MYRIP: variants seen among roughly 807,000 people sequenced by gnomAD.
The protein encoded by MYRIP is myosin VIIA and Rab interacting protein.
In MYRIP, 49 loss-of-function variants were observed where a neutral mutation model predicts 98.0. The ratio of observed to expected loss-of-function variants is 0.50; its 90% confidence interval spans 0.40 to 0.63. The LOEUF is 0.63. Ranked by LOEUF, MYRIP falls within the 30% of genes least tolerant of loss-of-function variation. MYRIP has a pLI of 0.00. For synonymous variants in MYRIP, 404 were observed against 409.5 expected, an observed-to-expected ratio of 0.99 and a Z score of 0.16; for missense variants, 1,004 against 1,058.2, an observed-to-expected ratio of 0.95 and a Z score of 0.71.
intron 1 of MYRIP, among the ~76,000 whole-genome samples, chr3:39,894,674 A>G (rs1575354358): frequency 6.6e-6 from 1 of 152,232 alleles, no homozygotes; most frequent in South Asian, 2.1e-4. Context: ...TTTTATTGAC[A>G]TAAAATATTG....
intron 3 of MYRIP, among the ~76,000 whole-genome samples, chr3:40,089,797 A>G (rs1327069431): frequency 6.6e-6 from 1 of 152,118 alleles, no homozygotes; most frequent in Admixed American, 6.6e-5. Flanking sequence ...GCAGAATTGC[A>G]TTTGCTTCCT....
At chr3:40,137,195 A>G (rs897680936) in intron 3 of MYRIP, among the ~76,000 whole-genome samples, 4 of 152,254 alleles carry the variant, frequency 2.6e-5, no homozygotes, top group Admixed American at 6.5e-5. Flanking sequence ...AAAATGACAA[A>G]GGGGATATCA....
intron 2 of MYRIP, among the ~76,000 whole-genome samples, chr3:39,958,170 A>G (rs192679907): frequency 2.6e-5 from 4 of 152,278 alleles, no homozygotes; most frequent in Admixed American, 2.6e-4. Flanking sequence ...ACAGAATTGG[A>G]AAAATTACTT....
intron 2 of MYRIP, among the ~76,000 whole-genome samples, chr3:40,019,486 T>G (rs1482998751): frequency 6.6e-6 from 1 of 152,176 alleles, no homozygotes; most frequent in Non-Finnish European, 1.5e-5. Flanking sequence ...ATTGCCCACC[T>G]CTGCTGCCTC....
chr3:40,071,266 T>A (rs1948220103), intron 3 of MYRIP: 1 of 880,008 alleles, frequency 1.1e-6, no homozygotes, highest in Non-Finnish European at 1.4e-6. Flanking sequence ...ATGTGAGCCA[T>A]CAGAGAGATG....
chr3:39,958,797 A>T (rs1945243397), intron 2 of MYRIP, among the ~76,000 whole-genome samples: 2 of 152,240 alleles, frequency 1.3e-5, no homozygotes, highest in South Asian at 4.1e-4. Flanking sequence ...AAGGGCTAAT[A>T]TCCAGAATCT....
Position 40,031,578 on chromosome 3 carries a change from A to G in MYRIP, c.111-12472A>G, listed in dbSNP as rs149294725. 6.1e-3 allele frequency among the ~76,000 whole-genome samples: 929 copies of G among 152,250 alleles called. 6 individuals are homozygous for G. Among genetic ancestry groups the G allele is most frequent in the African/African-American group, 0.021 (887 of 41,570 alleles). On this transcript the variant is annotated intron_variant, in intron 2 of 16. Transcript: ENST00000302541. ...CTGTACTCTTAGTGAAAGAGAACCC[A>G]GAAAAATTTTGCCTACTGGCTTAGC... is the stretch of plus-strand genomic sequence containing the variant.
At chr3:40,226,158 G>A (rs1193418320) in intron 11 of MYRIP, among the ~76,000 whole-genome samples, 1 of 152,140 alleles carries the variant, frequency 6.6e-6, no homozygotes, top group Non-Finnish European at 1.5e-5. Context: ...AAATGACTCA[G>A]GTGCTATTCC....
chr3:40,036,324 A>AAAAAAAAAAAAAAAAAAAAAAAAAAAAAC (rs1553607293), intron 2 of MYRIP, among the ~76,000 whole-genome samples: 1 of 125,626 alleles, frequency 8.0e-6, no homozygotes, highest in Non-Finnish European at 1.7e-5. Flanking sequence ...AAAAAAAAAA[A>AAAAAAAAAAAAAAAAAAAAAAAAAAAAAC]CTTTATTCAA....
chr3:40,102,638 T>G (rs1177849891), intron 3 of MYRIP, among the ~76,000 whole-genome samples: 2 of 152,138 alleles, frequency 1.3e-5, no homozygotes, highest in East Asian at 3.9e-4. Context: ...CCTGGGAAAC[T>G]GTGGCAACAA....
intron 1 of MYRIP, among the ~76,000 whole-genome samples, chr3:39,897,458 A>G (rs1943639136): frequency 6.6e-6 from 1 of 152,240 alleles, no homozygotes; most frequent in Non-Finnish European, 1.5e-5. Context: ...TAGTAAATTT[A>G]AAAACATATC....
intron 1 of MYRIP, among the ~76,000 whole-genome samples, chr3:39,896,745 G>A (rs1943619291): frequency 6.6e-6 from 1 of 152,162 alleles, no homozygotes; most frequent in Admixed American, 6.5e-5. Context: ...TCCCATTTAA[G>A]CATTTGTCCT....
In MYRIP at chr3:40,081,308, T is replaced by TCAAAAGG. The variant is rs1948474508; in HGVS notation, c.332+37037_332+37038insCAAAAGG. Among the ~76,000 whole-genome samples the TCAAAAGG allele has an allele frequency of 2.0e-5, 3 of 152,204 alleles. No individual in the cohort carries two copies. In the South Asian group the frequency reaches 6.2e-4, roughly 32 times the overall value. ...TTCTTCCTCAATTTTTGACTGCTTGTTATATCAATTACTGAAAAAGGCATT... is the reference window on the plus strand; with the variant it reads ...TTCTTCCTCAATTTTTGACTGCTTGTCAAAAGGTATATCAATTACTGAAAAAGGCATT... On this transcript the variant is annotated intron_variant, in intron 3 of 16. Coordinates refer to ENST00000302541, the MANE Select transcript of MYRIP (RefSeq NM_015460.4).
chr3:40,175,626 G>T (rs893514327), intron 8 of MYRIP, among the ~76,000 whole-genome samples: 7 of 152,242 alleles, frequency 4.6e-5, no homozygotes, highest in Non-Finnish European at 8.8e-5. Context: ...GGGCCAGCCT[G>T]GTGCCCCCCA....
chr3:39,910,323 G>A (rs1177748974), intron 2 of MYRIP, among the ~76,000 whole-genome samples: 2 of 152,196 alleles, frequency 1.3e-5, no homozygotes, highest in African/African-American at 2.4e-5. Context: ...CAGTACCAAG[G>A]CAGTACACTG....
intron 1 of MYRIP, among the ~76,000 whole-genome samples, chr3:39,858,729 A>G (rs1942377246): frequency 6.6e-6 from 1 of 152,148 alleles, no homozygotes; most frequent in South Asian, 2.1e-4. Flanking sequence ...AAAATTAATA[A>G]CAGGAGGAAA....
intron 3 of MYRIP, among the ~76,000 whole-genome samples, chr3:40,122,594 A>G (rs1377025323): frequency 6.6e-6 from 1 of 151,882 alleles, no homozygotes; most frequent in Non-Finnish European, 1.5e-5. Context: ...ATGAGTTCAT[A>G]TTAAATTCAC....
In MYRIP at chr3:40,258,134, G is replaced by A. The variant is rs1953657703; in HGVS notation, c.2548G>A (p.Glu850Lys). The change falls in exon 17 of 17, where the codon GAG (glutamate) becomes AAG (lysine). Residue 850 changes from glutamate (E) to lysine (K), a missense_variant and splice_region_variant. Coordinates refer to ENST00000302541, the MANE Select transcript of MYRIP (RefSeq NM_015460.4). The part of the protein sequence containing the change: ...ERKGTTKDLM[E>K]PALESAVMY ...GAGTGTGTTCAATGTCTCACCTCAG[G>A]AGCCTGCTCTGGAGTCAGCTGTGAT... 23 of 1,614,028 alleles carry A rather than the reference G, an allele frequency of 1.4e-5. 1 individual carries two copies. Among genetic ancestry groups the A allele is most frequent in the Non-Finnish European group, 1.9e-5 (22 of 1,180,016 alleles).
At chr3:39,841,946 T>G (rs1266717104) in intron 1 of MYRIP, among the ~76,000 whole-genome samples, 1 of 152,168 alleles carries the variant, frequency 6.6e-6, no homozygotes, top group Non-Finnish European at 1.5e-5. Context: ...AGGGACCCAC[T>G]TGAGGAGGCA....
Sources: allele counts gnomAD v4.1 joint callset (sites outside exome capture counted in the v4.1 genomes callset), GRCh38; gene constraint gnomAD v4.1.1; transcripts MANE v1.5; gene names NCBI Gene and HGNC (gene_info 2026-07-23, HGNC 2026-07-21).